The following TMEM126B variants were observed in gnomAD, a reference collection of about 807,000 sequenced individuals.
TMEM126B encodes the protein complex I assembly factor TMEM126B, mitochondrial.
In TMEM126B, 19 loss-of-function variants were observed where a neutral mutation model predicts 16.5. That is an observed-to-expected ratio of 1.15 (90% CI 0.80 to 1.69). The LOEUF is 1.69. Among genes scored for constraint, TMEM126B ranks in the 40% most tolerant of loss-of-function variants. TMEM126B has a pLI of 0.00. For synonymous variants in TMEM126B, 104 were observed against 93.2 expected (o/e 1.12, Z -0.67); for missense variants, 293 against 278.7 (o/e 1.05, Z -0.37).
intron 4 of TMEM126B, 94 bp from the exon 5 acceptor site, chr11:85,635,952 G>T: frequency 7.4e-7 from 1 of 1,354,596 alleles, no homozygotes; most frequent in Non-Finnish European, 9.9e-7. Flanking sequence ...CTACATTATA[G>T]ATCTAGAAAG....
At chr11:85,630,550 C>G (rs1160523268) in intron 1 of TMEM126B, among the ~76,000 whole-genome samples, 1 of 152,236 alleles carries the variant, frequency 6.6e-6, no homozygotes, top group Non-Finnish European at 1.5e-5. Flanking sequence ...AGACTTTTCA[C>G]AGAGACTCTA....
chr11:85,633,206 T>C (rs899064875), intron 2 of TMEM126B, among the ~76,000 whole-genome samples: 1 of 152,232 alleles, frequency 6.6e-6, no homozygotes, highest in African/African-American at 2.4e-5. Context: ...CTATCATTGC[T>C]GGACATTTGG....
Position 85,634,102 on chromosome 11 carries a change from CAA to C in TMEM126B, c.222_223del (p.Gln74HisfsTer26), listed in dbSNP as rs754504749. The C allele has an allele frequency of 4.3e-6, 7 of 1,612,890 alleles. No individual in the cohort carries two copies. The Admixed American group carries it at 1.0e-4, about 23-fold the overall frequency. On this transcript the variant is annotated frameshift_variant, in exon 3 of 5. Transcript: ENST00000358867. LOFTEE classifies it high-confidence loss of function. ...TTCTATTAGGACACAAAATATATAT[CAA>C]ATGGCGACATTTGGAACAACAGCTG... The part of the protein sequence containing the change: ...LRKEMTQNIY[Q>X]MATFGTTAGF...
At position 85,634,155 on chromosome 11, in the gene TMEM126B, C is replaced by A. The variant is rs775244818; in HGVS notation, c.273C>A (p.Phe91Leu). 6.2e-7 allele frequency: 1 copy of A among 1,613,746 alleles called. No homozygotes were observed. The highest frequency in any genetic ancestry group is 8.5e-7 in the Non-Finnish European group (1 of 1,179,870). The change falls in exon 3 of 5, where the codon TTC (phenylalanine) becomes TTA (leucine). Residue 91 changes from phenylalanine (F) to leucine (L), a missense_variant. Transcript: ENST00000358867. ...TAGFSGIFSNFLFRRCFKVKH... is the reference protein window; with the variant it reads ...TAGFSGIFSNLLFRRCFKVKH... ...GTTTCTCTGGAATATTCTCAAACTT[C>A]CTGTTCAGACGCTGCTTCAAGGTTA...
At chr11:85,629,263 G>A (rs2082194798) in intron 1 of TMEM126B, 2 of 1,286,788 alleles carry the variant, frequency 1.6e-6, no homozygotes, top group African/African-American at 1.5e-5. Context: ...AATTCTAAAG[G>A]TGAAATTTAT....
At chr11:85,633,055 T>C (rs969536070) in intron 2 of TMEM126B, among the ~76,000 whole-genome samples, 4 of 152,184 alleles carry the variant, frequency 2.6e-5, no homozygotes, top group African/African-American at 9.7e-5. Context: ...ATGCGGTGTT[T>C]GGTTTTTTGT....
intron 1 of TMEM126B, chr11:85,631,451 T>A (rs536633324): frequency 1.2e-6 from 1 of 840,814 alleles, no homozygotes; most frequent in African/African-American, 1.8e-5. Context: ...ATGTCTGTAT[T>A]GTAGGATGTT....
intron 3 of TMEM126B, chr11:85,634,542 G>T (rs1416516236): frequency 2.9e-6 from 1 of 348,566 alleles, no homozygotes; most frequent in Non-Finnish European, 5.3e-6. Context: ...AAAAGAATTG[G>T]CTGTGGCATA....
chr11:85,628,657 T>A lies in TMEM126B; in HGVS notation c.50T>A (p.Val17Glu). ...EAGTKPRDSG[V>E]VPVGTEEAPK... ...GGGACTAAGCCAAGGGATTCAGGTG[T>A]GGTGCCGGTGGGAACTGAGGAAGCG... The change falls in exon 1 of 5, where the codon GTG (valine) becomes GAG (glutamate). Residue 17 changes from valine (V) to glutamate (E), a missense_variant. Coordinates refer to ENST00000358867, the MANE Select transcript of TMEM126B (RefSeq NM_018480.7). 6.5e-7 allele frequency: 1 copy of A among 1,536,168 alleles called. No homozygotes were observed. Among genetic ancestry groups the A allele is most frequent in the Non-Finnish European group, 8.7e-7 (1 of 1,146,912 alleles).
At position 85,635,801 on chromosome 11, in the gene TMEM126B, T is replaced by TTTTTC. The variant is rs202045348; in HGVS notation, c.509+43_509+47dup. On this transcript the variant is annotated intron_variant, in intron 4 of 4. Coordinates refer to ENST00000358867, the MANE Select transcript of TMEM126B (RefSeq NM_018480.7). Reference sequence around the variant, plus strand: ...CAAGTAAGTTCTTCCTTTTCCTTCTTTTTTCTTTTCTTTTCTTTTCTTTTT... The same window carrying TTTTTC: ...CAAGTAAGTTCTTCCTTTTCCTTCTTTTTTCTTTTCTTTTCTTTTCTTTTCTTTTT... The TTTTTC allele has an allele frequency of 1.6e-5, 23 of 1,472,214 alleles. No homozygotes were observed. The African/African-American group carries it at 2.8e-4, about 18-fold the overall frequency. The allele number at this position is 1,472,214 out of a possible 1,614,324, so 91.2% of individuals were successfully genotyped here.
At chr11:85,635,557 A>G (rs2082382205) in intron 3 of TMEM126B, 110 bp from the exon 4 acceptor site, 1 of 643,404 alleles carries the variant, frequency 1.6e-6, no homozygotes, top group Non-Finnish European at 2.6e-6. Context: ...TATTCTTTCT[A>G]TGGTTTAGTT....
At chr11:85,634,586 C>G in intron 3 of TMEM126B, 1 of 231,476 alleles carries the variant, frequency 4.3e-6, no homozygotes, top group African/African-American at 2.3e-5. Context: ...TACCTCCTGC[C>G]ACTTAAGTTT....
rs755614104 is a variant in TMEM126B at position 85,631,181 on chromosome 11, T to C, written c.82-506T>C. The C allele has an allele frequency of 5.4e-6, 7 of 1,290,484 alleles. No individual in the cohort carries two copies. The South Asian group carries it at 8.6e-5, about 16-fold the overall frequency. The allele number at this position is 1,290,484 out of a possible 1,614,324, so 79.9% of individuals were successfully genotyped here. ...CGATTTCCAAAATGAACTTAATCTT[T>C]CATGAGAAACTGAGGATAGAGATGT... is the stretch of plus-strand genomic sequence containing the variant. On this transcript the variant is annotated intron_variant, in intron 1 of 4. Transcript: ENST00000358867.
chr11:85,635,728 T>G lies in TMEM126B; in HGVS notation c.459T>G (p.Val153=), dbSNP rs1370794749. 1 of 1,609,982 alleles carries G rather than the reference T, an allele frequency of 6.2e-7. No homozygotes were observed. Residue 153 remains valine, a synonymous_variant, in exon 4 of 5, where the codon GTT becomes GTG. Coordinates refer to ENST00000358867, the MANE Select transcript of TMEM126B (RefSeq NM_018480.7). ...CACTGATTGGCATAGTTTGTGGTGT[T>G]TTCTATCCCAGTTCTTTGGCTTTTA... ...RSSLIGIVCG[V]FYPSSLAFTK...
At chr11:85,633,870 C>T (rs2082349940) in intron 2 of TMEM126B, among the ~76,000 whole-genome samples, 1 of 152,144 alleles carries the variant, frequency 6.6e-6, no homozygotes, top group South Asian at 2.1e-4. Flanking sequence ...GAATCATGTC[C>T]TCTCATTAGA....
chr11:85,631,282 C>A, intron 1 of TMEM126B: 15 of 1,267,768 alleles, frequency 1.2e-5, no homozygotes, highest in Non-Finnish European at 1.5e-5. Flanking sequence ...ACTGCCTTCT[C>A]GGAATGAGGA....
intron 3 of TMEM126B, 76 bp downstream of exon 3, chr11:85,634,355 G>A: frequency 9.7e-7 from 1 of 1,030,822 alleles, no homozygotes; most frequent in Non-Finnish European, 1.4e-6. Context: ...TGTTGCTACT[G>A]CTAATAATAA....
Position 85,635,676 on chromosome 11 carries a change from G to A in TMEM126B, c.407G>A (p.Ser136Asn). 2 of 1,604,596 alleles carry A rather than the reference G, an allele frequency of 1.2e-6. No homozygotes were observed. The highest frequency in any genetic ancestry group is 1.7e-6 in the Non-Finnish European group (2 of 1,177,454). ...VIDALYSDNI[S>N]KENCVFRSSL... ...TACTTTTGTTTTCCAGATAATATAA[G>A]CAAGGAAAACTGTGTTTTCAGAAGC... Residue 136 changes from serine (S) to asparagine (N), a missense_variant, in exon 4 of 5, where the codon AGC becomes AAC. Coordinates refer to ENST00000358867, the MANE Select transcript of TMEM126B (RefSeq NM_018480.7).
rs12224616 is a variant in TMEM126B at position 85,629,078 on chromosome 11, G to A, written c.81+390G>A. The A allele has an allele frequency of 3.1e-5, 17 of 553,730 alleles. No homozygotes were observed. The Admixed American group carries it at 3.8e-4, about 12-fold the overall frequency. 34.3% of individuals were successfully genotyped at this position (553,730 alleles called of 1,614,324 possible). A position where few individuals can be genotyped will look rare whatever the true frequency, so the allele number is the denominator to read the frequency against. Reference sequence around the variant, plus strand: ...TGGCTAGATTGTTTGCTTTTTCTTAGGTTGTTGGGTTTTTCGTTTATGTCA... The same window carrying A: ...TGGCTAGATTGTTTGCTTTTTCTTAAGTTGTTGGGTTTTTCGTTTATGTCA... On this transcript the variant is annotated intron_variant, in intron 1 of 4. Transcript: ENST00000358867.
Sources: gnomAD v4.1 joint callset for allele counts (sites outside exome capture counted in the v4.1 genomes callset) on GRCh38, gnomAD v4.1.1 for gene constraint, MANE v1.5 for transcripts, NCBI Gene and HGNC (gene_info 2026-07-23, HGNC 2026-07-21) for gene names.